MYO5B: variants seen among roughly 807,000 people sequenced by gnomAD.
MYO5B encodes the protein myosin VB, also known as unconventional myosin-Vb.
In MYO5B, 143 loss-of-function variants were observed where a neutral mutation model predicts 229.3. The ratio of observed to expected loss-of-function variants is 0.62; its 90% CI spans 0.54 to 0.72. MYO5B has a LOEUF of 0.72. Among genes scored for constraint, MYO5B ranks in the 30% least tolerant of loss-of-function variants. The pLI is 0.00. For synonymous variants in MYO5B, 918 were observed against 885.2 expected, an observed-to-expected ratio of 1.04 and a Z score of -0.66; for missense variants, 2,321 against 2,331.0, an observed-to-expected ratio of 1.00 and a Z score of 0.09.
At position 50,128,996 on chromosome 18, in the gene MYO5B, ACAG is replaced by A. The variant is rs201864515; in HGVS notation, c.27+65768_27+65770del. ...ACACACCCAGGGCCTAATTAAAATC[ACAG>A]AAGAACCACCTGCCAAATCTCACGG... On this transcript the variant is annotated intron_variant, in intron 1 of 39. Transcript: ENST00000285039. Among the ~76,000 whole-genome samples, 374 of 152,300 alleles carry A rather than the reference ACAG, an allele frequency of 2.5e-3. 1 individual carries two copies. The highest frequency in any genetic ancestry group is 8.0e-3 in the Admixed American group (122 of 15,296).
At chr18:49,947,944 T>C (rs1237280746) in intron 14 of MYO5B, among the ~76,000 whole-genome samples, 2 of 152,220 alleles carry the variant, frequency 1.3e-5, no homozygotes, top group South Asian at 2.1e-4. Flanking sequence ...ACATGTGCCA[T>C]GTTGGTGTGC....
At position 50,130,188 on chromosome 18, in the gene MYO5B, T is replaced by C. The variant is rs528864063; in HGVS notation, c.27+64579A>G. ...TAGTGATCCAATTAAGAAATGTTGG[T>C]TAATACTGGGGGTACAATTAAAAAT... On this transcript the variant is annotated intron_variant, in intron 1 of 39. Coordinates refer to ENST00000285039, the MANE Select transcript of MYO5B (RefSeq NM_001080467.3). 3.3e-5 allele frequency among the ~76,000 whole-genome samples: 5 copies of C among 152,336 alleles called. No individual in the cohort carries two copies. In the East Asian group the frequency reaches 5.8e-4, roughly 18 times the overall value.
At chr18:49,983,209 G>C (rs2025835204) in intron 8 of MYO5B, among the ~76,000 whole-genome samples, 1 of 152,216 alleles carries the variant, frequency 6.6e-6, no homozygotes, top group Non-Finnish European at 1.5e-5. Flanking sequence ...CCTACTGGTA[G>C]AATGTCAAGC....
intron 26 of MYO5B, 139 bp downstream of exon 26, chr18:49,875,548 A>G (rs962607655): frequency 8.6e-6 from 10 of 1,162,898 alleles, no homozygotes; most frequent in African/African-American, 4.5e-5. Flanking sequence ...CATGACTCCA[A>G]TGCACTAAGT....
chr18:49,870,796 C>T (rs148187564), intron 27 of MYO5B, among the ~76,000 whole-genome samples: 193 of 152,246 alleles, frequency 1.3e-3, no homozygotes, highest in Non-Finnish European at 1.9e-3. Flanking sequence ...GAAAATACTA[C>T]GTGTTGGCAA....
intron 23 of MYO5B, chr18:49,879,367 C>G (rs921861044): frequency 2.1e-6 from 1 of 468,220 alleles, no homozygotes; most frequent in Non-Finnish European, 3.9e-6. Context: ...GATGCCCCAG[C>G]CTCTCTTCTG....
chr18:50,094,838 AT>A (rs570843373), intron 1 of MYO5B, among the ~76,000 whole-genome samples: 9 of 151,384 alleles, frequency 5.9e-5, no homozygotes, highest in East Asian at 1.9e-4. Context: ...AAACCTGTAC[AT>A]TTTTTTTTAA....
At chr18:49,955,160 T>G (rs745812944) in intron 12 of MYO5B, among the ~76,000 whole-genome samples, 7 of 152,244 alleles carry the variant, frequency 4.6e-5, no homozygotes, top group Non-Finnish European at 8.8e-5. Flanking sequence ...GTGAGTGTTC[T>G]ACATGGTGCT....
At chr18:50,037,212 CACAA>C (rs1216723856) in intron 3 of MYO5B, among the ~76,000 whole-genome samples, 4 of 149,704 alleles carry the variant, frequency 2.7e-5, no homozygotes, top group Non-Finnish European at 2.9e-5. Flanking sequence ...CATACACACA[CACAA>C]ACACACACAC....
intron 4 of MYO5B, among the ~76,000 whole-genome samples, chr18:50,018,613 C>G (rs1169275597): frequency 6.6e-6 from 1 of 152,138 alleles, no homozygotes; most frequent in African/African-American, 2.4e-5. Flanking sequence ...GAATAAAGTC[C>G]TATTATCATC....
At chr18:49,878,836 A>T in intron 24 of MYO5B, 109 bp downstream of exon 24, 1 of 1,316,712 alleles carries the variant, frequency 7.6e-7, no homozygotes. Flanking sequence ...CACATATGAC[A>T]CATGGACTGA....
At chr18:49,837,439 C>G in intron 37 of MYO5B, 78 bp downstream of exon 37, 1 of 1,521,402 alleles carries the variant, frequency 6.6e-7, no homozygotes, top group South Asian at 1.1e-5. Flanking sequence ...TTAGAAACAG[C>G]AGTCTTGTGT....
intron 1 of MYO5B, among the ~76,000 whole-genome samples, chr18:50,136,598 T>A (rs2032340241): frequency 1.3e-5 from 2 of 152,198 alleles, no homozygotes; most frequent in Non-Finnish European, 2.9e-5. Context: ...TGTGTGTATA[T>A]GTGTGTGTAC....
chr18:49,864,609 C>T (rs999184969), intron 27 of MYO5B, among the ~76,000 whole-genome samples: 4 of 152,230 alleles, frequency 2.6e-5, no homozygotes, highest in South Asian at 4.1e-4. Flanking sequence ...GCCTCCAGAG[C>T]GGCAGTCTCC....
chr18:49,847,009 C>T, intron 33 of MYO5B, 137 bp downstream of exon 33: 1 of 1,086,306 alleles, frequency 9.2e-7, no homozygotes, highest in Non-Finnish European at 1.3e-6. Context: ...GGGGCAGGTG[C>T]AAGGGCAAGT....
chr18:50,124,228 T>A (rs1252129197), intron 1 of MYO5B, among the ~76,000 whole-genome samples: 1 of 152,236 alleles, frequency 6.6e-6, no homozygotes, highest in African/African-American at 2.4e-5. Flanking sequence ...GAGGTTCTGG[T>A]AACTGAACAT....
At chr18:50,165,652 T>C (rs962987585) in intron 1 of MYO5B, among the ~76,000 whole-genome samples, 2 of 152,136 alleles carry the variant, frequency 1.3e-5, no homozygotes, top group African/African-American at 4.8e-5. Flanking sequence ...GACGTGCACC[T>C]GTAATCCCAG....
At chr18:49,967,676 C>T (rs2025641097) in intron 10 of MYO5B, among the ~76,000 whole-genome samples, 1 of 152,168 alleles carries the variant, frequency 6.6e-6, no homozygotes, top group Admixed American at 6.5e-5. Context: ...ATCCAGACAT[C>T]CTTTCAAGGT....
Position 50,155,198 on chromosome 18 carries a change from A to C in MYO5B, c.27+39569T>G, listed in dbSNP as rs916881249. Among the ~76,000 whole-genome samples the C allele has an allele frequency of 2.0e-5, 3 of 152,224 alleles. No individual in the cohort carries two copies. The South Asian group carries it at 6.2e-4, about 32-fold the overall frequency. ...CAGGTACGAGGCAGCTACGTGGCAC[A>C]AACAACCAGGCCTCACTTCACACAG... On this transcript the variant is annotated intron_variant, in intron 1 of 39. Coordinates refer to ENST00000285039, the MANE Select transcript of MYO5B (RefSeq NM_001080467.3).
Sources: allele counts gnomAD v4.1 joint callset (sites outside exome capture counted in the v4.1 genomes callset), GRCh38; gene constraint gnomAD v4.1.1; transcripts MANE v1.5; gene names NCBI Gene and HGNC (gene_info 2026-07-23, HGNC 2026-07-21).